Variants in CNTN4 observed in about 807,000 individuals in gnomAD.
The protein encoded by CNTN4 is contactin-4.
In CNTN4, 77 loss-of-function variants were observed where a neutral mutation model predicts 122.5. That is an observed-to-expected ratio of 0.63 (90% confidence interval 0.52 to 0.76). The LOEUF (loss-of-function observed/expected upper bound fraction) is 0.76. CNTN4 is among the 30% of genes least tolerant of loss of function. The pLI, the probability that CNTN4 is intolerant of heterozygous loss-of-function variation, is 0.00. For missense variants in CNTN4, 1,256 were observed against 1,259.1 expected, an observed-to-expected ratio of 1.00 and a Z score of 0.04; for synonymous variants, 512 against 447.0, an observed-to-expected ratio of 1.15 and a Z score of -1.83.
chr3:2,623,115 C>T (rs1286130375), intron 4 of CNTN4, among the ~76,000 whole-genome samples: 1 of 152,212 alleles, frequency 6.6e-6, no homozygotes, highest in South Asian at 2.1e-4. Context: ...AAAACTACTT[C>T]CCTGCTCATG....
intron 6 of CNTN4, among the ~76,000 whole-genome samples, chr3:2,754,940 C>T (rs1024522057): frequency 1.3e-5 from 2 of 152,008 alleles, no homozygotes; most frequent in African/African-American, 2.4e-5. Context: ...ACTACTACAG[C>T]GAGCCTTAAT....
intron 2 of CNTN4, among the ~76,000 whole-genome samples, chr3:2,258,009 G>C (rs903914179): frequency 8.5e-5 from 13 of 152,174 alleles, no homozygotes; most frequent in African/African-American, 3.1e-4. Flanking sequence ...GTTGCAGTGA[G>C]CTGAGATCGC....
At chr3:2,797,329 TG>T (rs1443700175) in intron 6 of CNTN4, among the ~76,000 whole-genome samples, 4 of 151,948 alleles carry the variant, frequency 2.6e-5, no homozygotes, top group African/African-American at 9.7e-5. Context: ...CTGGGAATGG[TG>T]GCTTACGCCT....
At chr3:2,728,912 A>G (rs920801727) in intron 4 of CNTN4, among the ~76,000 whole-genome samples, 5 of 152,192 alleles carry the variant, frequency 3.3e-5, no homozygotes, top group Admixed American at 3.3e-4. Flanking sequence ...GATTGACTGT[A>G]TATCACAGTG....
intron 4 of CNTN4, among the ~76,000 whole-genome samples, chr3:2,613,177 T>TGG (rs1388652818): frequency 3.2e-5 from 3 of 93,094 alleles, no homozygotes; most frequent in South Asian, 6.6e-4. Context: ...TAAGCACACG[T>TGG]GGAGACTCCC....
At chr3:2,975,125 A>G (rs1385979290) in intron 13 of CNTN4, among the ~76,000 whole-genome samples, 6 of 152,158 alleles carry the variant, frequency 3.9e-5, no homozygotes, top group Admixed American at 3.9e-4. Context: ...TTTCAGACAC[A>G]TTAATAGGGA....
At chr3:2,198,362 TG>T (rs2037944051) in intron 2 of CNTN4, among the ~76,000 whole-genome samples, 2 of 152,210 alleles carry the variant, frequency 1.3e-5, no homozygotes, top group African/African-American at 4.8e-5. Context: ...TTCAAACTGT[TG>T]TCAGCTTTCA....
At chr3:2,921,546 G>A (rs1478523626) in intron 12 of CNTN4, among the ~76,000 whole-genome samples, 3 of 152,214 alleles carry the variant, frequency 2.0e-5, no homozygotes, top group African/African-American at 7.2e-5. Context: ...GAATGATGAG[G>A]TAATAGTTAA....
At chr3:2,913,197 C>T (rs775794395) in intron 12 of CNTN4, among the ~76,000 whole-genome samples, 21 of 151,974 alleles carry the variant, frequency 1.4e-4, no homozygotes, top group Admixed American at 3.3e-4. Flanking sequence ...AAATAAAAAT[C>T]GAGGAATAAA....
chr3:2,693,348 T>G (rs954630967), intron 4 of CNTN4, among the ~76,000 whole-genome samples: 1 of 152,176 alleles, frequency 6.6e-6, no homozygotes, highest in Admixed American at 6.5e-5. Context: ...CTGTTAAGTC[T>G]TAGTTGCTTT....
At chr3:2,777,125 C>T (rs528044573) in intron 6 of CNTN4, among the ~76,000 whole-genome samples, 17 of 152,226 alleles carry the variant, frequency 1.1e-4, no homozygotes, top group Admixed American at 3.9e-4. Context: ...GGATTCTAGG[C>T]GCCCACCACC....
chr3:2,632,433 C>T (rs1243726709), intron 4 of CNTN4, among the ~76,000 whole-genome samples: 1 of 152,126 alleles, frequency 6.6e-6, no homozygotes, highest in African/African-American at 2.4e-5. Context: ...CCTCAGGGGT[C>T]ATGTTGTACG....
At chr3:2,666,420 T>G (rs76919790) in intron 4 of CNTN4, among the ~76,000 whole-genome samples, 1 of 151,950 alleles carries the variant, frequency 6.6e-6, no homozygotes, top group Non-Finnish European at 1.5e-5. Flanking sequence ...AAAAACTGTT[T>G]CAGGGAAAAA....
intron 2 of CNTN4, among the ~76,000 whole-genome samples, chr3:2,173,376 T>G: frequency 6.6e-6 from 1 of 152,244 alleles, no homozygotes; most frequent in East Asian, 1.9e-4. Flanking sequence ...GGAATCTGAA[T>G]GATCAATTAT....
intron 2 of CNTN4, among the ~76,000 whole-genome samples, chr3:2,189,800 C>G (rs559841999): frequency 1.3e-5 from 2 of 152,248 alleles, no homozygotes; most frequent in East Asian, 1.9e-4. Context: ...ACTCTAATAA[C>G]GAACTTTCAG....
At chr3:3,046,335 C>T (rs1486740769) in intron 23 of CNTN4, among the ~76,000 whole-genome samples, 1 of 152,028 alleles carries the variant, frequency 6.6e-6, no homozygotes, top group Non-Finnish European at 1.5e-5. Context: ...GTCAGATTCA[C>T]CAAAGTCGAA....
At chr3:3,037,478 A>C (rs1304971778) in intron 18 of CNTN4, 150 bp downstream of exon 18, 4 of 1,113,110 alleles carry the variant, frequency 3.6e-6, no homozygotes, top group Non-Finnish European at 5.4e-6. Context: ...AAATCAGGCC[A>C]GGAGAAGCCC....
chr3:2,619,282 G>A (rs768601394), intron 4 of CNTN4, among the ~76,000 whole-genome samples: 14 of 152,170 alleles, frequency 9.2e-5, no homozygotes, highest in Non-Finnish European at 1.5e-4. Flanking sequence ...ATGAAATTCC[G>A]TTCCTGGGCT....
intron 14 of CNTN4, among the ~76,000 whole-genome samples, chr3:3,011,580 C>T (rs1051338213): frequency 2.6e-5 from 4 of 152,272 alleles, no homozygotes; most frequent in Admixed American, 1.3e-4. Context: ...ACTGTTCTGG[C>T]AAATAAATGT....
Sources: allele counts gnomAD v4.1 joint callset (sites outside exome capture counted in the v4.1 genomes callset), GRCh38; gene constraint gnomAD v4.1.1; transcripts MANE v1.5; gene names NCBI Gene and HGNC (gene_info 2026-07-23, HGNC 2026-07-21).